Variants in ATP9B observed in about 807,000 individuals in gnomAD.
ATP9B encodes probable phospholipid-transporting ATPase IIB.
Under a neutral mutation model 146.1 loss-of-function variants are expected in ATP9B, and 110 were observed. The ratio of observed to expected loss-of-function variants is 0.75; its 90% confidence interval spans 0.65 to 0.88. ATP9B has a LOEUF of 0.88. Among genes scored for constraint, ATP9B ranks in the 40% least tolerant of loss-of-function variants. The pLI, the probability that ATP9B is intolerant of heterozygous loss-of-function variation, is 0.00. For missense variants in ATP9B, 1,499 were observed against 1,496.4 expected (o/e 1.00, Z -0.03); for synonymous variants, 604 against 569.7 (o/e 1.06, Z -0.86).
At chr18:79,180,824 G>T (rs957830615) in intron 8 of ATP9B, among the ~76,000 whole-genome samples, 2 of 150,750 alleles carry the variant, frequency 1.3e-5, no homozygotes, top group African/African-American at 4.9e-5. Context: ...ACAGAGTCTC[G>T]CTCTGTCACA....
chr18:79,100,221 T>G (rs1226785983), intron 2 of ATP9B, among the ~76,000 whole-genome samples: 1 of 152,246 alleles, frequency 6.6e-6, no homozygotes, highest in African/African-American at 2.4e-5. Flanking sequence ...CTTTGTGTAT[T>G]TGAAAATAAT....
intron 8 of ATP9B, among the ~76,000 whole-genome samples, chr18:79,178,822 A>G (rs901092158): frequency 6.6e-5 from 10 of 152,104 alleles, no homozygotes; most frequent in African/African-American, 9.7e-5. Flanking sequence ...ATGGATCTGT[A>G]TTGCTTTTGT....
At chr18:79,266,534 C>T (rs759925865) in intron 12 of ATP9B, among the ~76,000 whole-genome samples, 2 of 151,934 alleles carry the variant, frequency 1.3e-5, no homozygotes, top group African/African-American at 2.4e-5. Context: ...TGTTCCCATC[C>T]TCAAAGGCAA....
At chr18:79,336,787 G>C in intron 18 of ATP9B, 76 bp downstream of exon 18, 1 of 1,460,066 alleles carries the variant, frequency 6.8e-7, no homozygotes, top group Non-Finnish European at 9.5e-7. Flanking sequence ...TCCTGTCTTT[G>C]TATGAAATTA....
chr18:79,300,526 G>A (rs565677050), intron 13 of ATP9B, among the ~76,000 whole-genome samples: 1 of 152,304 alleles, frequency 6.6e-6, no homozygotes, highest in East Asian at 1.9e-4. Flanking sequence ...AGGCTGGGCT[G>A]TGGGTCGCAT....
chr18:79,128,245 A>G (rs1264205649), intron 5 of ATP9B, among the ~76,000 whole-genome samples: 3 of 151,540 alleles, frequency 2.0e-5, no homozygotes, highest in Non-Finnish European at 4.4e-5. Context: ...TTTTTAGTCG[A>G]TACGGGGTTT....
intron 7 of ATP9B, among the ~76,000 whole-genome samples, chr18:79,160,189 T>C (rs2094856667): frequency 6.6e-6 from 1 of 152,240 alleles, no homozygotes; most frequent in South Asian, 2.1e-4. Context: ...AAAAAACTAT[T>C]TTGTTAGTGA....
chr18:79,256,252 G>T (rs1428950467), intron 12 of ATP9B, among the ~76,000 whole-genome samples: 2 of 67,472 alleles, frequency 3.0e-5, no homozygotes, highest in Admixed American at 1.7e-4. Context: ...GTGAATTCTA[G>T]CTAGCTATAT....
At chr18:79,162,757 A>G (rs1394472780) in intron 7 of ATP9B, among the ~76,000 whole-genome samples, 1 of 152,238 alleles carries the variant, frequency 6.6e-6, no homozygotes, top group Non-Finnish European at 1.5e-5. Context: ...GTCAATGCCT[A>G]TCTTTCTTTT....
chr18:79,355,323 C>G (rs2096944786), intron 25 of ATP9B, among the ~76,000 whole-genome samples: 1 of 152,178 alleles, frequency 6.6e-6, no homozygotes, highest in African/African-American at 2.4e-5. Context: ...GGCAGAGATG[C>G]TAGAATTCTC....
At chr18:79,322,901 A>G (rs1350342554) in intron 15 of ATP9B, among the ~76,000 whole-genome samples, 1 of 152,214 alleles carries the variant, frequency 6.6e-6, no homozygotes, top group East Asian at 1.9e-4. Flanking sequence ...GAAATATGGT[A>G]GAGACTCGGG....
chr18:79,341,716 G>A (rs200253344), intron 19 of ATP9B, among the ~76,000 whole-genome samples: 62 of 140,786 alleles, frequency 4.4e-4, no homozygotes, highest in South Asian at 2.2e-3. Context: ...CTGCGTTGCC[G>A]ACACACCATT....
intron 5 of ATP9B, among the ~76,000 whole-genome samples, chr18:79,140,257 G>A (rs1287595448): frequency 6.6e-6 from 1 of 151,974 alleles, no homozygotes; most frequent in Non-Finnish European, 1.5e-5. Context: ...GCTAACTTAG[G>A]GTCCATTTTG....
At chr18:79,307,562 T>C (rs1445594174) in intron 15 of ATP9B, 1 of 268,902 alleles carries the variant, frequency 3.7e-6, no homozygotes, top group Admixed American at 4.9e-5. Context: ...TTTATAAAAC[T>C]GTTGAAGTTT....
intron 15 of ATP9B, among the ~76,000 whole-genome samples, chr18:79,327,982 C>CTCCG (rs2096768285): frequency 1.1e-4 from 1 of 9,462 alleles, no homozygotes. Context: ...CGTGCTCTCT[C>CTCCG]TGGTTAGCGT....
intron 13 of ATP9B, among the ~76,000 whole-genome samples, chr18:79,295,034 G>C (rs936055276): frequency 3.3e-5 from 5 of 152,100 alleles, no homozygotes; most frequent in Non-Finnish European, 7.4e-5. Flanking sequence ...GACATTTTCT[G>C]TGTGTTTTGG....
chr18:79,101,717 G>T (rs1248719508), intron 2 of ATP9B, among the ~76,000 whole-genome samples: 2 of 152,214 alleles, frequency 1.3e-5, no homozygotes, highest in Non-Finnish European at 2.9e-5. Context: ...TAGATATGGA[G>T]TGATGGTTCA....
intron 12 of ATP9B, among the ~76,000 whole-genome samples, chr18:79,275,208 C>T (rs1477309530): frequency 2.0e-5 from 3 of 152,206 alleles, no homozygotes; most frequent in African/African-American, 7.2e-5. Flanking sequence ...GTCAAATCCC[C>T]CTTTCAAGCC....
intron 3 of ATP9B, 132 bp from the exon 4 acceptor site, chr18:79,113,108 AC>A (rs2094002812): frequency 3.7e-6 from 2 of 535,142 alleles, no homozygotes; most frequent in Non-Finnish European, 6.6e-6. Flanking sequence ...TAATACATTT[AC>A]TTTGAATCAC....
Sources: allele counts gnomAD v4.1 joint callset (sites outside exome capture counted in the v4.1 genomes callset), GRCh38; gene constraint gnomAD v4.1.1; transcripts MANE v1.5; gene names NCBI Gene and HGNC (gene_info 2026-07-23, HGNC 2026-07-21).